The following ZNF710 variants were observed in gnomAD, a reference collection of about 807,000 sequenced individuals.
ZNF710 encodes the protein zinc finger protein 710.
In ZNF710, 13 loss-of-function variants were observed where a neutral mutation model predicts 50.6. The observed-to-expected ratio is 0.26, with a 90% CI of 0.17 to 0.41. The LOEUF is 0.41. ZNF710 is among the 10% of genes least tolerant of loss of function. The pLI is 1.00. For synonymous variants in ZNF710, 383 were observed against 397.0 expected, an observed-to-expected ratio of 0.96 and a Z score of 0.42; for missense variants, 721 against 936.6, an observed-to-expected ratio of 0.77 and a Z score of 3.01.
At chr15:90,071,842 A>G (rs1900400468) in intron 2 of ZNF710, among the ~76,000 whole-genome samples, 1 of 151,818 alleles carries the variant, frequency 6.6e-6, no homozygotes, top group Admixed American at 6.6e-5. Context: ...CGCTCAGCTA[A>G]TTATTGTATT....
At chr15:90,078,469 C>T (rs1269358367) in intron 4 of ZNF710, among the ~76,000 whole-genome samples, 1 of 152,186 alleles carries the variant, frequency 6.6e-6, no homozygotes, top group African/African-American at 2.4e-5. Flanking sequence ...TAAGAACTTA[C>T]TAGCAGGCCT....
intron 1 of ZNF710, among the ~76,000 whole-genome samples, chr15:90,008,839 AATAC>A (rs1460390321): frequency 1.3e-5 from 2 of 152,068 alleles, no homozygotes; most frequent in Admixed American, 6.6e-5. Context: ...TCTGATATTA[AATAC>A]ATATGCTCTA....
chr15:90,068,574 G>C lies in ZNF710; in HGVS notation c.1437G>C (p.Lys479Asn). 1 of 1,603,196 alleles carries C rather than the reference G, an allele frequency of 6.2e-7. No homozygotes were observed. Among genetic ancestry groups the C allele is most frequent in the Non-Finnish European group, 8.5e-7 (1 of 1,177,364 alleles). The change falls in exon 2 of 5, where the codon AAG becomes AAC. Residue 479 changes from lysine (K) to asparagine (N), a missense_variant. Transcript: ENST00000268154. The surrounding 1 kb of genome is among the most constrained non-coding windows in gnomAD (Gnocchi z 5.0). The part of the protein sequence containing the change: ...GMEFSQIHHL[K>N]QHSLTHKGVK... ...AGTTCAGCCAGATTCACCACCTCAA[G>C]CAGCACTCCCTCACCCACAAGGTAA...
Position 90,068,568 on chromosome 15 carries a change from C to T in ZNF710, c.1431C>T (p.His477=). ...ECGMEFSQIH[H]LKQHSLTHKG... ...GCATGGAGTTCAGCCAGATTCACCA[C>T]CTCAAGCAGCACTCCCTCACCCACA... Residue 477 remains histidine, a synonymous_variant, in exon 2 of 5, where the codon CAC becomes CAT. Transcript: ENST00000268154. This position sits in a 1 kb window ranked among gnomAD's most constrained non-coding sequence, Gnocchi z 5.0. 2 of 1,604,746 alleles carry T rather than the reference C, an allele frequency of 1.2e-6. No homozygotes were observed. The highest frequency in any genetic ancestry group is 1.7e-6 in the Non-Finnish European group (2 of 1,177,864).
rs1567238570 is a variant in ZNF710 at position 90,062,439 on chromosome 15, T to TG, written c.-28-4665dup. 6.6e-6 allele frequency among the ~76,000 whole-genome samples: 1 copy of TG among 151,768 alleles called. No homozygotes were observed. The highest frequency in any genetic ancestry group is 2.4e-5 in the African/African-American group (1 of 41,358). On this transcript the variant is annotated intron_variant, in intron 1 of 4. Coordinates refer to ENST00000268154, the MANE Select transcript of ZNF710 (RefSeq NM_198526.4). This position sits in a 1 kb window ranked among gnomAD's most constrained non-coding sequence, Gnocchi z 5.6. ...TCTGAGCTCCCCTTTCTCCTGGACA[T>TG]GGGGGGAGCTTTTGTTCTGAGTCCT...
rs190029076 is a variant in ZNF710, at chr15:90,008,993, A to G, written c.-29+7379A>G. On this transcript the variant is annotated intron_variant, in intron 1 of 4. Coordinates refer to ENST00000268154, the MANE Select transcript of ZNF710 (RefSeq NM_198526.4). ...TCTTTCCCTGCCCCCAGCATGTTATATATATGGAATCGAAATGAAGTTAGA... is the reference window on the plus strand; with the variant it reads ...TCTTTCCCTGCCCCCAGCATGTTATGTATATGGAATCGAAATGAAGTTAGA... Among the ~76,000 whole-genome samples, 368 of 152,218 alleles carry G rather than the reference A, an allele frequency of 2.4e-3. 1 individual carries two copies. Among genetic ancestry groups the G allele is most frequent in the African/African-American group, 7.4e-3 (308 of 41,526 alleles).
In ZNF710 at chr15:90,073,224, A is replaced by G. The variant is rs1217864949; in HGVS notation, c.1612A>G (p.Met538Val). ...FVQKQTLKTH[M>V]IVHSPVKPFK... ...ACAGAAGCAGACTCTCAAGACCCAC[A>G]TGATTGTACACTCGCCCGTGAAGCC... The change falls in exon 3 of 5, where the codon ATG (methionine) becomes GTG (valine). Residue 538 changes from methionine (M) to valine (V), a missense_variant. This residue lies in a region of ZNF710 where 326 missense variants were observed against 522.0 expected (regional missense o/e 0.62). Coordinates refer to ENST00000268154, the MANE Select transcript of ZNF710 (RefSeq NM_198526.4). 1 of 1,614,020 alleles carries G rather than the reference A, an allele frequency of 6.2e-7. No individual in the cohort carries two copies. The highest frequency in any genetic ancestry group is 8.5e-7 in the Non-Finnish European group (1 of 1,180,012).
At chr15:90,030,943 C>A (rs866240717) in intron 1 of ZNF710, among the ~76,000 whole-genome samples, 1 of 140,754 alleles carries the variant, frequency 7.1e-6, no homozygotes, top group African/African-American at 2.8e-5. Flanking sequence ...GGCGTGAACC[C>A]GGGAGGCGGA....
intron 1 of ZNF710, among the ~76,000 whole-genome samples, chr15:90,050,055 G>A (rs757366203): frequency 3.3e-5 from 5 of 152,234 alleles, no homozygotes; most frequent in Non-Finnish European, 1.5e-5. Flanking sequence ...GTGGACGGCC[G>A]CATGTGTCTG....
intron 1 of ZNF710, among the ~76,000 whole-genome samples, chr15:90,009,921 TGCCCGGTG>T (rs539328861): frequency 6.6e-6 from 1 of 152,242 alleles, no homozygotes; most frequent in South Asian, 2.1e-4. Flanking sequence ...CTTACCTGAC[TGCCCGGTG>T]GCCCATCTTG....
At chr15:90,009,586 A>T (rs1898243611) in intron 1 of ZNF710, among the ~76,000 whole-genome samples, 1 of 151,760 alleles carries the variant, frequency 6.6e-6, no homozygotes, top group South Asian at 2.1e-4. Context: ...GCCCACCATC[A>T]GCCCCACTGC....
rs763891982 is a variant in ZNF710 at position 90,014,036 on chromosome 15, A to C, written c.-29+12422A>C. On this transcript the variant is annotated intron_variant, in intron 1 of 4. Transcript: ENST00000268154. The stretch of plus-strand genomic sequence containing the variant: ...TCATAGATATTTATTGATCAAATAG[A>C]ATTTATGGCAAAACCAGTACTTCTC... Among the ~76,000 whole-genome samples the C allele has an allele frequency of 1.4e-4, 22 of 152,066 alleles. 1 individual carries two copies. The highest frequency in any genetic ancestry group is 2.8e-4 in the Non-Finnish European group (19 of 68,014).
chr15:90,018,268 A>G lies in ZNF710; in HGVS notation c.-29+16654A>G, dbSNP rs566456938. 1.8e-4 allele frequency among the ~76,000 whole-genome samples: 27 copies of G among 150,614 alleles called. No individual in the cohort carries two copies. In the South Asian group the frequency reaches 3.1e-3, roughly 18 times the overall value. ...ACTGCAACCTCCGCCTCCCGGATTCAAGCAGTTCACCTGCCTCAGCTTCCT... is the reference window on the plus strand; with the variant it reads ...ACTGCAACCTCCGCCTCCCGGATTCGAGCAGTTCACCTGCCTCAGCTTCCT... On this transcript the variant is annotated intron_variant, in intron 1 of 4. Transcript: ENST00000268154.
At chr15:90,031,963 A>G (rs1370984286) in intron 1 of ZNF710, among the ~76,000 whole-genome samples, 1 of 152,238 alleles carries the variant, frequency 6.6e-6, no homozygotes, top group Non-Finnish European at 1.5e-5. Context: ...GAAGCCATCC[A>G]GCTACTAACA....
intron 1 of ZNF710, among the ~76,000 whole-genome samples, chr15:90,009,275 A>C (rs1318772203): frequency 6.6e-6 from 1 of 152,060 alleles, no homozygotes; most frequent in African/African-American, 2.4e-5. Flanking sequence ...ACCAAGTCCA[A>C]GCTGGCCCCT....
chr15:90,052,963 A>ATAAAT (rs1354300593), intron 1 of ZNF710, among the ~76,000 whole-genome samples: 1 of 152,144 alleles, frequency 6.6e-6, no homozygotes, highest in Non-Finnish European at 1.5e-5. Context: ...ATAAAATAAA[A>ATAAAT]TAAAATGTCT....
At position 90,040,796 on chromosome 15, in the gene ZNF710, T is replaced by C. The variant is rs1266010915; in HGVS notation, c.-28-26314T>C. Reference sequence around the variant, plus strand: ...TATTTACGTCCATGTTCTGAAATAATATGTTACTCCAGTGATTTCTTGATT... The same window carrying C: ...TATTTACGTCCATGTTCTGAAATAACATGTTACTCCAGTGATTTCTTGATT... On this transcript the variant is annotated intron_variant, in intron 1 of 4. Transcript: ENST00000268154. This position sits in a 1 kb window ranked among gnomAD's most constrained non-coding sequence, Gnocchi z 4.6. 1.3e-5 allele frequency among the ~76,000 whole-genome samples: 2 copies of C among 152,226 alleles called. No homozygotes were observed. The highest frequency in any genetic ancestry group is 4.8e-5 in the African/African-American group (2 of 41,462).
chr15:90,079,701 G>C lies in ZNF710; in HGVS notation c.1867G>C (p.Asp623His). 1 of 1,613,930 alleles carries C rather than the reference G, an allele frequency of 6.2e-7. No homozygotes were observed. Among genetic ancestry groups the C allele is most frequent in the Non-Finnish European group, 8.5e-7 (1 of 1,179,924 alleles). Reference protein sequence around the residue: ...ELTGTDPSELDGQQEMEDFEE... With the variant: ...ELTGTDPSELHGQQEMEDFEE... ...GACAGGCACTGACCCTTCAGAGCTC[G>C]ACGGCCAGCAGGAGATGGAGGACTT... is the stretch of plus-strand genomic sequence containing the variant. The change falls in exon 5 of 5, where the codon GAC (aspartate) becomes CAC (histidine). Residue 623 changes from aspartate to histidine, a missense_variant. Coordinates refer to ENST00000268154, the MANE Select transcript of ZNF710 (RefSeq NM_198526.4).
chr15:90,074,886 G>T, intron 4 of ZNF710: 1 of 269,108 alleles, frequency 3.7e-6, no homozygotes, highest in South Asian at 3.5e-5. Flanking sequence ...GCAAAAAAGT[G>T]TCAATCAGTC....
Sources: allele counts gnomAD v4.1 joint callset (sites outside exome capture counted in the v4.1 genomes callset), GRCh38; gene constraint gnomAD v4.1.1; regional missense constraint gnomAD v4.1.1; non-coding constraint Gnocchi (gnomAD v3.1); transcripts MANE v1.5; gene names NCBI Gene and HGNC (gene_info 2026-07-23, HGNC 2026-07-21).